The following ACOXL variants were observed in gnomAD, a reference collection of about 807,000 sequenced individuals.
ACOXL encodes acyl-CoA oxidase like, also known as acyl-coenzyme A oxidase-like protein.
Under a neutral mutation model 71.9 loss-of-function variants are expected in ACOXL, and 70 were observed. The observed-to-expected ratio is 0.97, with a 90% CI of 0.80 to 1.19. The LOEUF (loss-of-function observed/expected upper bound fraction) is 1.19, where lower values mean the gene tolerates loss of function less well. ACOXL is among the 50% of genes most tolerant of loss of function. ACOXL has a pLI of 0.00. For synonymous variants in ACOXL, 253 were observed against 281.6 expected, an observed-to-expected ratio of 0.90 and a Z score of 1.02; for missense variants, 703 against 736.3, an observed-to-expected ratio of 0.95 and a Z score of 0.52.
chr2:110,860,218 C>T (rs1166877068), intron 10 of ACOXL, among the ~76,000 whole-genome samples: 1 of 152,208 alleles, frequency 6.6e-6, no homozygotes, highest in African/African-American at 2.4e-5. Context: ...TCAAGCAATT[C>T]TCCTGCCTCA....
intron 12 of ACOXL, among the ~76,000 whole-genome samples, chr2:110,979,303 C>G (rs1435007967): frequency 1.3e-5 from 2 of 152,170 alleles, no homozygotes; most frequent in African/African-American, 2.4e-5. Flanking sequence ...TCCCTTGCTT[C>G]TGTCCAGCGT....
At chr2:110,852,582 C>G (rs1451611701) in intron 10 of ACOXL, among the ~76,000 whole-genome samples, 1 of 152,200 alleles carries the variant, frequency 6.6e-6, no homozygotes, top group Non-Finnish European at 1.5e-5. Flanking sequence ...ATTTTGGCCT[C>G]TTATGTGGCT....
intron 11 of ACOXL, among the ~76,000 whole-genome samples, chr2:110,918,892 G>A (rs1441008243): frequency 6.6e-6 from 1 of 152,240 alleles, no homozygotes; most frequent in Admixed American, 6.5e-5. Flanking sequence ...TCATTAAAAT[G>A]TCAGAAAACA....
At chr2:110,856,929 ACT>A (rs1286020434) in intron 10 of ACOXL, among the ~76,000 whole-genome samples, 1 of 152,100 alleles carries the variant, frequency 6.6e-6, no homozygotes, top group Admixed American at 6.5e-5. Context: ...TGCTGTTAAG[ACT>A]CTCTGACAAT....
At chr2:110,804,500 C>T (rs1198382588) in intron 8 of ACOXL, among the ~76,000 whole-genome samples, 1 of 152,138 alleles carries the variant, frequency 6.6e-6, no homozygotes, top group African/African-American at 2.4e-5. Context: ...AAGAGAAATG[C>T]AAACCTATAT....
chr2:110,904,191 G>T (rs780315933), intron 10 of ACOXL, among the ~76,000 whole-genome samples: 2 of 152,132 alleles, frequency 1.3e-5, no homozygotes, highest in Non-Finnish European at 2.9e-5. Context: ...CCACCCACTT[G>T]TTTCCCTCTG....
chr2:111,031,638 GA>G lies in ACOXL; in HGVS notation c.1295del (p.Lys432ArgfsTer28). On this transcript the variant is annotated frameshift_variant, in exon 15 of 18. Transcript: ENST00000439055. LOFTEE classifies it high-confidence loss of function. ...ARIYYKVKTK[K>X]EDFFHAWNSC... ...TGTCGATTGGACAGGTAAAGACCAA[GA>G]AGGAGGATTTTTTCCATGCCTGGAA... 6.2e-7 allele frequency: 1 copy of G among 1,614,174 alleles called. No individual in the cohort carries two copies. Among genetic ancestry groups the G allele is most frequent in the South Asian group, 1.1e-5 (1 of 91,092 alleles).
chr2:110,955,933 A>ATTTTTTT (rs67285328), intron 12 of ACOXL, among the ~76,000 whole-genome samples: 19 of 101,766 alleles, frequency 1.9e-4, no homozygotes, highest in Non-Finnish European at 2.9e-4. Flanking sequence ...CTTGCCACAG[A>ATTTTTTT]TTTTTTTTTT....
chr2:111,068,315 C>CT (rs1355003765), intron 16 of ACOXL, among the ~76,000 whole-genome samples: 1 of 152,100 alleles, frequency 6.6e-6, no homozygotes, highest in African/African-American at 2.4e-5. Context: ...GGGGCGTGAC[C>CT]TGGGGGTATG....
intron 12 of ACOXL, among the ~76,000 whole-genome samples, chr2:110,967,140 A>G (rs1297554752): frequency 2.6e-5 from 4 of 152,250 alleles, no homozygotes; most frequent in African/African-American, 9.6e-5. Flanking sequence ...AAAGGTGCAT[A>G]AAAGTACTAC....
At chr2:110,767,923 AACACACACACACACACACACAC>A (rs58524964) in intron 1 of ACOXL, among the ~76,000 whole-genome samples, 3,299 of 114,446 alleles carry the variant, frequency 0.029, 69 homozygotes, top group South Asian at 0.066. Context: ...GTCTCTACTA[AACACACACACACACACACACAC>A]ACACACACAC....
intron 12 of ACOXL, among the ~76,000 whole-genome samples, chr2:110,936,533 A>G (rs1233547977): frequency 1.3e-5 from 2 of 151,892 alleles, no homozygotes; most frequent in Non-Finnish European, 2.9e-5. Context: ...AAGTGCTGGG[A>G]TTACAGGTGC....
intron 16 of ACOXL, among the ~76,000 whole-genome samples, chr2:111,061,208 C>T (rs1256259432): frequency 1.3e-5 from 2 of 151,922 alleles, no homozygotes; most frequent in Admixed American, 1.3e-4. Context: ...AAATTCACAC[C>T]AAGACACATC....
At chr2:111,095,078 A>C (rs1448576070) in intron 17 of ACOXL, among the ~76,000 whole-genome samples, 3 of 152,206 alleles carry the variant, frequency 2.0e-5, no homozygotes, top group Non-Finnish European at 4.4e-5. Context: ...ACAGATTCAC[A>C]GCTGGAGGAG....
intron 8 of ACOXL, 81 bp downstream of exon 8, chr2:110,801,805 A>C: frequency 5.6e-5 from 67 of 1,188,290 alleles, no homozygotes; most frequent in Non-Finnish European, 7.6e-5. Flanking sequence ...CTTGGGTCTC[A>C]TGGGCTGCAT....
intron 16 of ACOXL, among the ~76,000 whole-genome samples, chr2:111,079,792 G>T (rs1176323133): frequency 1.3e-5 from 2 of 149,684 alleles, no homozygotes; most frequent in Non-Finnish European, 3.0e-5. Flanking sequence ...CAGAACCAGA[G>T]CCCATAGCCT....
intron 1 of ACOXL, among the ~76,000 whole-genome samples, chr2:110,737,984 G>C (rs59413237): frequency 0.042 from 6,387 of 152,268 alleles, 196 homozygotes; most frequent in African/African-American, 0.07. Flanking sequence ...GACTGCTTTG[G>C]TCAACAGAAG....
chr2:110,918,705 G>GA (rs2059954200), intron 11 of ACOXL, among the ~76,000 whole-genome samples: 1 of 151,676 alleles, frequency 6.6e-6, no homozygotes, highest in East Asian at 1.9e-4. Context: ...AAATTTAGAA[G>GA]AAAAAAACAA....
At chr2:110,929,713 T>A (rs1287266028) in intron 11 of ACOXL, among the ~76,000 whole-genome samples, 1 of 152,218 alleles carries the variant, frequency 6.6e-6, no homozygotes, top group Non-Finnish European at 1.5e-5. Flanking sequence ...AGGGTCTTCC[T>A]GCTGTGTGCA....
Sources: gnomAD v4.1 joint callset for allele counts (sites outside exome capture counted in the v4.1 genomes callset) on GRCh38, gnomAD v4.1.1 for gene constraint, MANE v1.5 for transcripts, NCBI Gene and HGNC (gene_info 2026-07-23, HGNC 2026-07-21) for gene names.